Variants in FOXK1 observed in about 807,000 individuals in gnomAD.
FOXK1 encodes the protein forkhead box K1.
FOXK1 carries 19 observed loss-of-function variants against 51.9 expected under a neutral mutation model. That is an observed-to-expected ratio of 0.37 (90% CI 0.26 to 0.54). The LOEUF is 0.54. Among genes scored for constraint, FOXK1 ranks in the 20% least tolerant of loss-of-function variants. FOXK1 has a pLI of 0.87. For synonymous variants in FOXK1, 537 were observed against 482.6 expected, an observed-to-expected ratio of 1.11 and a Z score of -1.48; for missense variants, 870 against 1,032.7, an observed-to-expected ratio of 0.84 and a Z score of 2.16.
chr7:4,744,670 C>T (rs947413896), intron 2 of FOXK1, among the ~76,000 whole-genome samples: 4 of 152,364 alleles, frequency 2.6e-5, no homozygotes, highest in South Asian at 2.1e-4. Flanking sequence ...AGCTGGGTGG[C>T]GGCCTCCTGT....
intron 2 of FOXK1, among the ~76,000 whole-genome samples, chr7:4,744,749 G>A (rs2115063570): frequency 1.3e-5 from 2 of 152,368 alleles, no homozygotes; most frequent in Middle Eastern, 3.4e-3. Flanking sequence ...CTTGCTGCGG[G>A]AGCCAGGAAG....
intron 1 of FOXK1, among the ~76,000 whole-genome samples, chr7:4,712,824 A>T (rs1240790939): frequency 6.6e-6 from 1 of 152,204 alleles, no homozygotes; most frequent in Non-Finnish European, 1.5e-5. Flanking sequence ...GTTTATTGAC[A>T]CACAGCGGCG....
rs945814343 is a variant in FOXK1 at position 4,722,462 on chromosome 7, G to C, written c.561-18376G>C. ...CCCGTGGCCAAGTGGCAGCGGTGCC[G>C]GACATACACGGCAGGGCAGTGGGCT... On this transcript the variant is annotated intron_variant, in intron 1 of 8. Transcript: ENST00000328914. The surrounding 1 kb of genome is among the most constrained non-coding windows in gnomAD (Gnocchi z 5.1). Among the ~76,000 whole-genome samples the C allele has an allele frequency of 6.6e-6, 1 of 152,222 alleles. No individual in the cohort carries two copies. The highest frequency in any genetic ancestry group is 2.4e-5 in the African/African-American group (1 of 41,464).
At position 4,709,412 on chromosome 7, in the gene FOXK1, C is replaced by T. The variant is rs760367680; in HGVS notation, c.560+26544C>T. Among the ~76,000 whole-genome samples the T allele has an allele frequency of 1.3e-5, 2 of 152,182 alleles. No individual in the cohort carries two copies. Among genetic ancestry groups the T allele is most frequent in the Non-Finnish European group, 2.9e-5 (2 of 68,042 alleles). ...AGGGTCTGGACAGGGCCAGGCTCTTCCCAAGCGCACAGTCCACATAGGCTG... is the reference window on the plus strand; with the variant it reads ...AGGGTCTGGACAGGGCCAGGCTCTTTCCAAGCGCACAGTCCACATAGGCTG... On this transcript the variant is annotated intron_variant, in intron 1 of 8. Coordinates refer to ENST00000328914, the MANE Select transcript of FOXK1 (RefSeq NM_001037165.2). This position sits in a 1 kb window ranked among gnomAD's most constrained non-coding sequence, Gnocchi z 5.6.
Position 4,730,994 on chromosome 7 carries a change from C to T in FOXK1, c.561-9844C>T, listed in dbSNP as rs1780469168. The stretch of plus-strand genomic sequence containing the variant: ...CTAGCCTGGGCAACATAACAAGACC[C>T]TGTCTCTACAAAAAATCAAAACCAT... On this transcript the variant is annotated intron_variant, in intron 1 of 8. Coordinates refer to ENST00000328914, the MANE Select transcript of FOXK1 (RefSeq NM_001037165.2). The surrounding 1 kb of genome is among the most constrained non-coding windows in gnomAD (Gnocchi z 4.7). Among the ~76,000 whole-genome samples, 1 of 152,060 alleles carries T rather than the reference C, an allele frequency of 6.6e-6. No individual in the cohort carries two copies. The highest frequency in any genetic ancestry group is 2.1e-4 in the South Asian group (1 of 4,816).
In FOXK1 at chr7:4,770,258, G is replaced by C. The variant is rs1267557085; in HGVS notation, c.*7794G>C. 1 of 152,120 alleles carries C rather than the reference G, an allele frequency of 6.6e-6. No homozygotes were observed. Among genetic ancestry groups the C allele is most frequent in the South Asian group, 2.1e-4 (1 of 4,828 alleles). The allele number at this position is 152,120 out of a possible 1,614,324, so 9.4% of individuals were successfully genotyped here. A position where few individuals can be genotyped will look rare whatever the true frequency, so the allele number is the denominator to read the frequency against. On this transcript the variant is annotated 3_prime_UTR_variant, in exon 9 of 9. Transcript: ENST00000328914. ...GAATTTAAAATCAAATATTTGGCCAGGTGCGGTGGCTCATGCCCGTAATCC... is the reference window on the plus strand; with the variant it reads ...GAATTTAAAATCAAATATTTGGCCACGTGCGGTGGCTCATGCCCGTAATCC...
chr7:4,762,527 G>A lies in FOXK1; in HGVS notation c.*63G>A. 2.0e-6 allele frequency: 3 copies of A among 1,474,396 alleles called. No individual in the cohort carries two copies. Among genetic ancestry groups the A allele is most frequent in the Non-Finnish European group, 1.8e-6 (2 of 1,103,598 alleles). 91.3% of individuals were successfully genotyped at this position (1,474,396 alleles called of 1,614,324 possible). ...GGCGACCCCGAAGCTGGACCCGGCA[G>A]CTCAGGCGGCCGCACCCACAGACGG... On this transcript the variant is annotated 3_prime_UTR_variant, in exon 9 of 9. Transcript: ENST00000328914. The surrounding 1 kb of genome is among the most constrained non-coding windows in gnomAD (Gnocchi z 5.7).
rs1198082205 is a variant in FOXK1 at position 4,709,019 on chromosome 7, C to A, written c.560+26151C>A. On this transcript the variant is annotated intron_variant, in intron 1 of 8. Coordinates refer to ENST00000328914, the MANE Select transcript of FOXK1 (RefSeq NM_001037165.2). The surrounding 1 kb of genome is among the most constrained non-coding windows in gnomAD (Gnocchi z 5.6). ...GGTGGAGGTTGCAGTGAGCCAAGAT[C>A]GCCCCACTGCACTCCAGCCTGGGCA... is the stretch of plus-strand genomic sequence containing the variant. Among the ~76,000 whole-genome samples, 6 of 149,352 alleles carry A rather than the reference C, an allele frequency of 4.0e-5. No individual in the cohort carries two copies. Among genetic ancestry groups the A allele is most frequent in the Non-Finnish European group, 8.9e-5 (6 of 67,604 alleles).
rs1335799136 is a variant in FOXK1 at position 4,730,250 on chromosome 7, C to T, written c.561-10588C>T. On this transcript the variant is annotated intron_variant, in intron 1 of 8. Coordinates refer to ENST00000328914, the MANE Select transcript of FOXK1 (RefSeq NM_001037165.2). This position sits in a 1 kb window ranked among gnomAD's most constrained non-coding sequence, Gnocchi z 4.7. Reference sequence around the variant, plus strand: ...ACCGGGTTTTAATTCACACACACCACGCACACCCCCACATTGTTGTCACTG... The same window carrying T: ...ACCGGGTTTTAATTCACACACACCATGCACACCCCCACATTGTTGTCACTG... 5.3e-5 allele frequency among the ~76,000 whole-genome samples: 8 copies of T among 152,334 alleles called. No homozygotes were observed. The East Asian group carries it at 1.5e-3, about 29-fold the overall frequency.
rs1780222021 is a variant in FOXK1, at chr7:4,715,462, C to A, written c.561-25376C>A. The stretch of plus-strand genomic sequence containing the variant: ...TGCCTCCCTCCTTCTAGGGGGTTGG[C>A]TGGAACTCGGGCCCCGCTGGCCGGC... On this transcript the variant is annotated intron_variant, in intron 1 of 8. Coordinates refer to ENST00000328914, the MANE Select transcript of FOXK1 (RefSeq NM_001037165.2). This position sits in a 1 kb window ranked among gnomAD's most constrained non-coding sequence, Gnocchi z 4.5. 6.6e-6 allele frequency among the ~76,000 whole-genome samples: 1 copy of A among 152,168 alleles called. No homozygotes were observed. The highest frequency in any genetic ancestry group is 6.5e-5 in the Admixed American group (1 of 15,274).
Position 4,746,472 on chromosome 7 carries a change from G to T in FOXK1, c.746+5449G>T, listed in dbSNP as rs190875190. 2.1e-3 allele frequency among the ~76,000 whole-genome samples: 319 copies of T among 151,946 alleles called. 2 individuals are homozygous for T. Among genetic ancestry groups the T allele is most frequent in the Non-Finnish European group, 1.4e-3 (94 of 67,956 alleles). On this transcript the variant is annotated intron_variant, in intron 2 of 8. Transcript: ENST00000328914. ...AGGCAGGAGGATTGCTTGAGGCCAG[G>T]AGTTCCAGACAAGCCTGGGCAGCAT... is the stretch of plus-strand genomic sequence containing the variant.
At position 4,731,616 on chromosome 7, in the gene FOXK1, C is replaced by T. The variant is rs996023749; in HGVS notation, c.561-9222C>T. On this transcript the variant is annotated intron_variant, in intron 1 of 8. Coordinates refer to ENST00000328914, the MANE Select transcript of FOXK1 (RefSeq NM_001037165.2). The surrounding 1 kb of genome is among the most constrained non-coding windows in gnomAD (Gnocchi z 5.3). The stretch of plus-strand genomic sequence containing the variant: ...CTCTACTAAAAATACAAAAATTAGC[C>T]GGGCATGGTGGTGGGCACCTGTAAT... Among the ~76,000 whole-genome samples the T allele has an allele frequency of 4.6e-5, 7 of 152,056 alleles. No individual in the cohort carries two copies. The highest frequency in any genetic ancestry group is 1.3e-4 in the Admixed American group (2 of 15,272).
At chr7:4,727,783 A>C (rs1336486808) in intron 1 of FOXK1, among the ~76,000 whole-genome samples, 1 of 152,200 alleles carries the variant, frequency 6.6e-6, no homozygotes, top group Admixed American at 6.5e-5. Context: ...CACGGAGGAA[A>C]CACTTTACCA....
At chr7:4,712,203 G>A (rs965691872) in intron 1 of FOXK1, among the ~76,000 whole-genome samples, 7 of 152,184 alleles carry the variant, frequency 4.6e-5, no homozygotes, top group African/African-American at 1.4e-4. Flanking sequence ...GGGGTGAGAC[G>A]TTCGACGTGT....
chr7:4,767,532 A>T lies in FOXK1; in HGVS notation c.*5068A>T, dbSNP rs375170114. The T allele has an allele frequency of 2.0e-5, 3 of 152,392 alleles. No homozygotes were observed. The highest frequency in any genetic ancestry group is 7.2e-5 in the African/African-American group (3 of 41,596). The allele number at this position is 152,392 out of a possible 1,614,324, so 9.4% of individuals were successfully genotyped here. A position where few individuals can be genotyped will look rare whatever the true frequency, so the allele number is the denominator to read the frequency against. ...CTTTACATTGCTCACATGTGCTGCT[A>T]TGAAGACAGGATTAGTCTGTAGACG... On this transcript the variant is annotated 3_prime_UTR_variant, in exon 9 of 9. Coordinates refer to ENST00000328914, the MANE Select transcript of FOXK1 (RefSeq NM_001037165.2). This position sits in a 1 kb window ranked among gnomAD's most constrained non-coding sequence, Gnocchi z 6.6.
At chr7:4,708,049 C>T (rs150653703) in intron 1 of FOXK1, among the ~76,000 whole-genome samples, 30 of 152,090 alleles carry the variant, frequency 2.0e-4, no homozygotes, top group East Asian at 9.7e-4. Context: ...GCTGGGGTAC[C>T]GCCTAGTAAC....
In FOXK1 at chr7:4,683,375, T is replaced by A. The variant is rs1438570073; in HGVS notation, c.560+507T>A. ...GCCTGGATCCCTGGGGTCATCTACG[T>A]CCCTACCCTGCCTAAACACGCAAGG... On this transcript the variant is annotated intron_variant, in intron 1 of 8. Transcript: ENST00000328914. This position sits in a 1 kb window ranked among gnomAD's most constrained non-coding sequence, Gnocchi z 4.5. Among the ~76,000 whole-genome samples, 49 of 150,440 alleles carry A rather than the reference T, an allele frequency of 3.3e-4. No individual in the cohort carries two copies.
chr7:4,689,076 CA>C (rs1248072227), intron 1 of FOXK1, among the ~76,000 whole-genome samples: 1 of 151,854 alleles, frequency 6.6e-6, no homozygotes, highest in African/African-American at 2.4e-5. Context: ...CTCCCAGGTT[CA>C]AGCAATTCTC....
chr7:4,721,131 G>A (rs1283780311), intron 1 of FOXK1, among the ~76,000 whole-genome samples: 3 of 152,180 alleles, frequency 2.0e-5, no homozygotes, highest in Non-Finnish European at 4.4e-5. Context: ...GCTTTCCCGA[G>A]TCAGCAGCCT....
Sources: gnomAD v4.1 joint callset for allele counts (sites outside exome capture counted in the v4.1 genomes callset) on GRCh38, gnomAD v4.1.1 for gene constraint, Gnocchi (gnomAD v3.1) non-coding constraint, MANE v1.5 for transcripts, NCBI Gene and HGNC (gene_info 2026-07-23, HGNC 2026-07-21) for gene names.